Variants in ABCG2 observed in about 807,000 individuals in gnomAD.
The protein encoded by ABCG2 is broad substrate specificity ATP-binding cassette transporter ABCG2.
Under a neutral mutation model 73.5 loss-of-function variants are expected in ABCG2, and 80 were observed. The ratio of observed to expected loss-of-function variants is 1.09; its 90% CI spans 0.91 to 1.31. ABCG2 has a LOEUF of 1.31. Among genes scored for constraint, ABCG2 ranks in the 50% most tolerant of loss-of-function variants. The pLI is 0.00. For synonymous variants in ABCG2, 269 were observed against 282.4 expected (o/e 0.95, Z 0.48); for missense variants, 796 against 786.2 (o/e 1.01, Z -0.15).
At chr4:88,171,219 C>A (rs947157701) in intron 1 of ABCG2, among the ~76,000 whole-genome samples, 1 of 148,022 alleles carries the variant, frequency 6.8e-6, no homozygotes, top group Non-Finnish European at 1.5e-5. Flanking sequence ...CCTCATGACA[C>A]GAGTTTACCT....
upstream of ABCG2, among the ~76,000 whole-genome samples, chr4:88,161,142 T>C (rs911497291): frequency 6.6e-6 from 1 of 150,986 alleles, no homozygotes; most frequent in African/African-American, 2.4e-5. Context: ...AGGGAGCCCC[T>C]GTCTCTACAA....
chr4:88,121,489 A>G (rs763441525), intron 6 of ABCG2, 146 bp downstream of exon 6: 30 of 821,706 alleles, frequency 3.7e-5, no homozygotes, highest in South Asian at 1.4e-4. Context: ...TTTTCTTGAT[A>G]ATGCTTTTCA....
intron 5 of ABCG2, among the ~76,000 whole-genome samples, chr4:88,127,754 C>G (rs1724532976): frequency 6.6e-6 from 1 of 151,370 alleles, no homozygotes; most frequent in African/African-American, 2.4e-5. Flanking sequence ...CTTCCTTACA[C>G]CTCTACTCAA....
intron 1 of ABCG2, among the ~76,000 whole-genome samples, chr4:88,176,647 ATTTTTTTTTTTTTT>A (rs35728226): frequency 4.4e-5 from 4 of 90,162 alleles, no homozygotes; most frequent in African/African-American, 4.1e-5. Context: ...CACCTGGCTA[ATTTTTTTTTTTTTT>A]TTTTTTTTTT....
intron 1 of ABCG2, among the ~76,000 whole-genome samples, chr4:88,205,742 G>A (rs760636414): frequency 1.4e-4 from 22 of 152,152 alleles, no homozygotes; most frequent in Non-Finnish European, 3.1e-4. Flanking sequence ...GAGTGCAGTG[G>A]CGCGATCTCA....
rs564167654 is a variant in ABCG2 at position 88,126,744 on chromosome 4, T to C, written c.531+4317A>G. Among the ~76,000 whole-genome samples the C allele has an allele frequency of 3.8e-3, 578 of 152,162 alleles. 5 individuals are homozygous for C. Among genetic ancestry groups the C allele is most frequent in the South Asian group, 0.029 (138 of 4,806 alleles). ...TTCAACACCCCTTCATGCTAAAAAC[T>C]CTCAATAAACTAGGTATTGATGGAA... is the stretch of plus-strand genomic sequence containing the variant. On this transcript the variant is annotated intron_variant, in intron 5 of 15. Transcript: ENST00000237612.
At chr4:88,101,127 A>C in intron 11 of ABCG2, 103 bp downstream of exon 11, 1 of 840,740 alleles carries the variant, frequency 1.2e-6, no homozygotes, top group Non-Finnish European at 1.9e-6. Flanking sequence ...AAGTACTGGT[A>C]ATCCTCCGGA....
intron 1 of ABCG2, among the ~76,000 whole-genome samples, chr4:88,211,142 G>C (rs1002209405): frequency 1.3e-5 from 2 of 151,480 alleles, no homozygotes; most frequent in African/African-American, 2.4e-5. Context: ...GAAGAAGAGA[G>C]AGTAGTTTGG....
At chr4:88,134,192 G>A (rs917821608) in intron 2 of ABCG2, among the ~76,000 whole-genome samples, 1 of 152,038 alleles carries the variant, frequency 6.6e-6, no homozygotes, top group Non-Finnish European at 1.5e-5. Flanking sequence ...ATAATGATTA[G>A]CACAGAGGCC....
At position 88,099,568 on chromosome 4, in the gene ABCG2, A is replaced by T; in HGVS notation, c.1368-120T>A. On this transcript the variant is annotated intron_variant, in intron 11 of 15. Coordinates refer to ENST00000237612, the MANE Select transcript of ABCG2 (RefSeq NM_004827.3). ...GGGGTTGAACAAGCCAGCTTCCCACATCCTCAGGGCTAGACCCACTATGCA... is the reference window on the plus strand; with the variant it reads ...GGGGTTGAACAAGCCAGCTTCCCACTTCCTCAGGGCTAGACCCACTATGCA... The T allele has an allele frequency of 2.9e-6, 3 of 1,037,016 alleles. No homozygotes were observed. The South Asian group carries it at 5.3e-5, about 18-fold the overall frequency. 64.2% of individuals were successfully genotyped at this position (1,037,016 alleles called of 1,614,324 possible).
intron 1 of ABCG2, among the ~76,000 whole-genome samples, chr4:88,207,792 A>G (rs1203859177): frequency 1.3e-5 from 2 of 151,934 alleles, no homozygotes; most frequent in Non-Finnish European, 2.9e-5. Flanking sequence ...CAGTCCTCCC[A>G]CCTGAGCCTC....
At chr4:88,117,160 C>CA (rs1421993736) in intron 7 of ABCG2, among the ~76,000 whole-genome samples, 2 of 151,826 alleles carry the variant, frequency 1.3e-5, no homozygotes, top group Non-Finnish European at 2.9e-5. Flanking sequence ...CCCGACTCTA[C>CA]AAAAAATACA....
rs145433166 is a variant in ABCG2, at chr4:88,137,902, C to A, written c.203+1891G>T. 8.3e-4 allele frequency among the ~76,000 whole-genome samples: 126 copies of A among 152,262 alleles called. 6 individuals are homozygous for A. The South Asian group carries it at 0.023, about 28-fold the overall frequency. ...AGGTGCAGTGGCTCATGCTTATAAC[C>A]CCAGTGCTTTGGGAGGCCAAGGTGG... is the stretch of plus-strand genomic sequence containing the variant. On this transcript the variant is annotated intron_variant, in intron 2 of 15. Coordinates refer to ENST00000237612, the MANE Select transcript of ABCG2 (RefSeq NM_004827.3).
upstream of ABCG2, among the ~76,000 whole-genome samples, chr4:88,160,642 G>A (rs1469309563): frequency 6.6e-6 from 1 of 151,922 alleles, no homozygotes; most frequent in Admixed American, 6.6e-5. Context: ...CTGATATCAG[G>A]ACTTCAAGAG....
rs6843854 is a variant in ABCG2, at chr4:88,149,952, G to A, written c.-20+8434C>T. On this transcript the variant is annotated intron_variant, in intron 1 of 15. Transcript: ENST00000237612. ...AAACAAAACAACAGATAAACATCCC[G>A]GCCCTCAGTGAGGTTACATATGAAA... Among the ~76,000 whole-genome samples, 1,469 of 152,170 alleles carry A rather than the reference G, an allele frequency of 9.7e-3. 17 individuals are homozygous for A. The highest frequency in any genetic ancestry group is 0.033 in the African/African-American group (1,387 of 41,494).
upstream of ABCG2, chr4:88,158,801 G>C: frequency 2.9e-6 from 1 of 339,324 alleles, no homozygotes; most frequent in South Asian, 2.2e-5. Flanking sequence ...GATGGGAGCC[G>C]GCGGGTGGCC....
intron 1 of ABCG2, among the ~76,000 whole-genome samples, chr4:88,147,013 A>AAAGG (rs1238794771): frequency 8.2e-6 from 1 of 121,818 alleles, no homozygotes; most frequent in Non-Finnish European, 1.7e-5. Context: ...AAGAGAAAGA[A>AAAGG]AAGGAAAGAA....
chr4:88,099,253 G>C (rs1333410788), intron 12 of ABCG2, 71 bp downstream of exon 12: 1 of 1,391,036 alleles, frequency 7.2e-7, no homozygotes, highest in South Asian at 1.8e-5. Context: ...AAATATGCTT[G>C]CAAGGTGCAA....
intron 1 of ABCG2, among the ~76,000 whole-genome samples, chr4:88,155,442 A>T (rs1726873587): frequency 6.6e-6 from 1 of 152,172 alleles, no homozygotes; most frequent in Admixed American, 6.5e-5. Context: ...CAGAAGGAGG[A>T]ATTTCACAAG....
Sources: gnomAD v4.1 joint callset for allele counts (sites outside exome capture counted in the v4.1 genomes callset) on GRCh38, gnomAD v4.1.1 for gene constraint, MANE v1.5 for transcripts, NCBI Gene and HGNC (gene_info 2026-07-23, HGNC 2026-07-21) for gene names.